The following POLK variants were observed in gnomAD, a reference collection of about 807,000 sequenced individuals.
POLK encodes the protein DNA polymerase kappa.
POLK carries 76 observed loss-of-function variants against 94.0 expected under a neutral mutation model. The ratio of observed to expected loss-of-function variants is 0.81; its 90% CI spans 0.67 to 0.98. The LOEUF (loss-of-function observed/expected upper bound fraction) is 0.98, where lower values mean the gene tolerates loss of function less well. Among genes scored for constraint, POLK ranks in the 50% least tolerant of loss-of-function variants. POLK has a pLI of 0.00. For synonymous variants in POLK, 349 were observed against 325.4 expected (o/e 1.07, Z -0.78); for missense variants, 954 against 1,010.1 (o/e 0.94, Z 0.75).
chr5:75,588,682 G>A (rs962173601), intron 10 of POLK, among the ~76,000 whole-genome samples: 1 of 152,102 alleles, frequency 6.6e-6, no homozygotes, highest in African/African-American at 2.4e-5. Flanking sequence ...GAAAGTCAGC[G>A]GTTCTAAAGT....
At chr5:75,573,832 C>T (rs774828871) in exon 5 of POLK, 2 of 1,613,352 alleles carry the variant, frequency 1.2e-6, no homozygotes, top group South Asian at 1.1e-5. Flanking sequence ...ATAATAGTGC[C>T]CCCCAACTTT....
At chr5:75,515,071 G>C (rs938279702) in intron 1 of POLK, among the ~76,000 whole-genome samples, 1 of 152,042 alleles carries the variant, frequency 6.6e-6, no homozygotes, top group African/African-American at 2.4e-5. Flanking sequence ...TCTTGCTAGT[G>C]TACACTAGCA....
At chr5:75,583,826 C>G (rs1561398766) in intron 8 of POLK, among the ~76,000 whole-genome samples, 1 of 151,766 alleles carries the variant, frequency 6.6e-6, no homozygotes, top group Non-Finnish European at 1.5e-5. Context: ...AAATATTTTG[C>G]CATTTTTAAA....
At position 75,515,085 on chromosome 5, in the gene POLK, A is replaced by G. The variant is rs185914382; in HGVS notation, c.-14+3171A>G. 7.8e-4 allele frequency among the ~76,000 whole-genome samples: 118 copies of G among 152,248 alleles called. 5 individuals carry two copies. In the East Asian group the frequency reaches 0.017, roughly 22 times the overall value. ...TTCTTGCTAGTGTACACTAGCAAAT[A>G]TATGTTCCAATTACGCATAAATAAT... On this transcript the variant is annotated intron_variant, in intron 1 of 14. Coordinates refer to ENST00000241436, the Ensembl canonical transcript of POLK.
intron 1 of POLK, among the ~76,000 whole-genome samples, chr5:75,546,448 C>T (rs977213233): frequency 2.6e-5 from 4 of 151,922 alleles, no homozygotes; most frequent in African/African-American, 9.7e-5. Flanking sequence ...CAGTTCAAAC[C>T]CGTGTTGTCT....
intron 1 of POLK, among the ~76,000 whole-genome samples, chr5:75,514,425 C>T (rs1167011645): frequency 6.6e-6 from 1 of 152,170 alleles, no homozygotes; most frequent in Non-Finnish European, 1.5e-5. Context: ...TAAAATTGGT[C>T]AGACACCAAA....
At chr5:75,602,167 T>G (rs1236710416), downstream of POLK, among the ~76,000 whole-genome samples, 1 of 152,168 alleles carries the variant, frequency 6.6e-6, no homozygotes, top group Non-Finnish European at 1.5e-5. Context: ...AACCAATCCT[T>G]GGTGTCCAAG....
intron 1 of POLK, among the ~76,000 whole-genome samples, chr5:75,520,113 G>A (rs939084056): frequency 6.6e-6 from 1 of 152,062 alleles, no homozygotes; most frequent in African/African-American, 2.4e-5. Context: ...TTAAAACAAT[G>A]ACAACTTATC....
At chr5:75,604,461 G>GT (rs1773371903), downstream of POLK, among the ~76,000 whole-genome samples, 1 of 152,186 alleles carries the variant, frequency 6.6e-6, no homozygotes, top group African/African-American at 2.4e-5. Flanking sequence ...ACTGCAGCCT[G>GT]GAACTCTTGG....
chr5:75,602,415 C>T (rs1256635225), downstream of POLK, among the ~76,000 whole-genome samples: 1 of 152,162 alleles, frequency 6.6e-6, no homozygotes, highest in South Asian at 2.1e-4. Flanking sequence ...ATTCCACGAG[C>T]TCAGGTCATT....
chr5:75,541,205 C>T (rs192950400), intron 1 of POLK, among the ~76,000 whole-genome samples: 38 of 152,014 alleles, frequency 2.5e-4, no homozygotes, highest in African/African-American at 9.2e-4. Context: ...GCAGGAGAAT[C>T]GCTTGAACCT....
At chr5:75,521,043 G>T (rs988167709) in intron 1 of POLK, among the ~76,000 whole-genome samples, 4 of 152,114 alleles carry the variant, frequency 2.6e-5, no homozygotes, top group African/African-American at 9.7e-5. Flanking sequence ...ACTGTTAAGA[G>T]CCTCTCTTTG....
At chr5:75,564,966 G>C (rs1771192448) in intron 3 of POLK, among the ~76,000 whole-genome samples, 1 of 152,318 alleles carries the variant, frequency 6.6e-6, no homozygotes, top group East Asian at 1.9e-4. Flanking sequence ...ATAATATCCT[G>C]AAGAGTGTTT....
chr5:75,511,143 G>A (rs1418374188), upstream of POLK: 2 of 1,606,612 alleles, frequency 1.2e-6, no homozygotes, highest in East Asian at 4.5e-5. Flanking sequence ...CTCCACAGGC[G>A]GCCCAGACTC....
Position 75,581,455 on chromosome 5 carries a change from A to G in POLK, c.934+7A>G. Reference sequence around the variant, plus strand: ...ACACTGACAGCCAGTGCAGGTATTTAAAAGAGTATTGATGGCCACTGTAGT... The same window carrying G: ...ACACTGACAGCCAGTGCAGGTATTTGAAAGAGTATTGATGGCCACTGTAGT... On this transcript the variant is annotated splice_region_variant and intron_variant, in intron 7 of 14. Transcript: ENST00000241436. 6.2e-7 allele frequency: 1 copy of G among 1,611,760 alleles called. No individual in the cohort carries two copies. The highest frequency in any genetic ancestry group is 8.5e-7 in the Non-Finnish European group (1 of 1,178,060).
At chr5:75,605,229 T>C (rs1300649937), downstream of POLK, among the ~76,000 whole-genome samples, 8 of 152,232 alleles carry the variant, frequency 5.3e-5, no homozygotes, top group Admixed American at 1.3e-4. Context: ...AACACTTCTT[T>C]CCATTTCTTT....
At chr5:75,558,060 A>T (rs1372378966) in intron 3 of POLK, among the ~76,000 whole-genome samples, 1 of 152,158 alleles carries the variant, frequency 6.6e-6, no homozygotes, top group African/African-American at 2.4e-5. Context: ...AAGTGCTGGG[A>T]TTACAGATGT....
At chr5:75,596,544 T>C in exon 13 of POLK, 4 of 1,613,966 alleles carry the variant, frequency 2.5e-6, no homozygotes, top group Non-Finnish European at 3.4e-6. Context: ...AGAATTCAGA[T>C]GACTGTCAGA....
chr5:75,559,462 C>T (rs1401298883), intron 3 of POLK, among the ~76,000 whole-genome samples: 2 of 148,284 alleles, frequency 1.3e-5, no homozygotes. Context: ...TACAGCAAAT[C>T]AGTGCATTTT....
Sources: allele counts gnomAD v4.1 joint callset (sites outside exome capture counted in the v4.1 genomes callset), GRCh38; gene constraint gnomAD v4.1.1; transcripts MANE v1.5; gene names NCBI Gene and HGNC (gene_info 2026-07-23, HGNC 2026-07-21).